Variants in STARD13 observed in about 807,000 individuals in gnomAD.
STARD13 encodes the protein StAR related lipid transfer domain containing 13.
A neutral mutation model predicts 106.4 loss-of-function variants in STARD13; 62 were observed. That is an observed-to-expected ratio of 0.58 (90% CI 0.48 to 0.72). The LOEUF is 0.72. Ranked by LOEUF, STARD13 falls within the 30% of genes least tolerant of loss-of-function variation. The pLI, the probability that STARD13 is intolerant of heterozygous loss-of-function variation, is 0.00. For missense variants in STARD13, 1,387 were observed against 1,424.0 expected (o/e 0.97, Z 0.42); for synonymous variants, 565 against 553.0 (o/e 1.02, Z -0.31).
At chr13:33,482,018 G>T in the STARD13 span, among the ~76,000 whole-genome samples, 4 of 151,054 alleles carry the variant, frequency 2.6e-5, no homozygotes, top group Non-Finnish European at 5.9e-5. Context: ...AAAAGAAATA[G>T]AAGCACTGAC....
chr13:33,543,918 G>T, the STARD13 span, among the ~76,000 whole-genome samples: 1 of 152,236 alleles, frequency 6.6e-6, no homozygotes, highest in East Asian at 1.9e-4. Context: ...GCCTGCACAA[G>T]TTAGTAGTCC....
intron 6 of STARD13, among the ~76,000 whole-genome samples, 165 bp from the exon 7 acceptor site, chr13:33,126,405 G>C (rs953476900): frequency 2.6e-5 from 4 of 152,194 alleles, no homozygotes. Flanking sequence ...GCTGTGCTCT[G>C]TGTGGCCCTT....
chr13:33,260,827 G>C (rs7317091), intron 1 of STARD13, among the ~76,000 whole-genome samples: 1 of 151,168 alleles, frequency 6.6e-6, no homozygotes, highest in African/African-American at 2.4e-5. Flanking sequence ...CCTTGAAAAC[G>C]TAAGTGTTTC....
chr13:33,406,876 C>T, the STARD13 span, among the ~76,000 whole-genome samples: 1 of 152,092 alleles, frequency 6.6e-6, no homozygotes, highest in African/African-American at 2.4e-5. Flanking sequence ...TGCTCTGGGC[C>T]TGTCCACAAA....
the STARD13 span, chr13:33,511,394 G>A: frequency 6.6e-6 from 1 of 152,006 alleles, no homozygotes; most frequent in Non-Finnish European, 1.5e-5. Flanking sequence ...TACAGGAATT[G>A]TTGATTTAAA....
At chr13:33,258,606 A>G (rs1399680774) in intron 1 of STARD13, among the ~76,000 whole-genome samples, 1 of 152,236 alleles carries the variant, frequency 6.6e-6, no homozygotes, top group African/African-American at 2.4e-5. Flanking sequence ...TATTTCCGAG[A>G]ACCATTCTTG....
the STARD13 span, among the ~76,000 whole-genome samples, chr13:33,510,366 A>C: frequency 2.0e-5 from 3 of 152,220 alleles, no homozygotes; most frequent in Non-Finnish European, 4.4e-5. Flanking sequence ...AAGAAGGCTC[A>C]TATGGATACT....
the STARD13 span, among the ~76,000 whole-genome samples, chr13:33,591,806 G>C: frequency 1.3e-5 from 2 of 150,122 alleles, no homozygotes; most frequent in East Asian, 3.9e-4. Flanking sequence ...AAATATGGAA[G>C]GAAAAAAAAG....
chr13:33,443,776 T>G, the STARD13 span, among the ~76,000 whole-genome samples: 27 of 148,996 alleles, frequency 1.8e-4, no homozygotes, highest in African/African-American at 6.2e-4. Context: ...CCCAGCTACT[T>G]GGGAGGCTGA....
At chr13:33,382,082 C>T in the STARD13 span, among the ~76,000 whole-genome samples, 4 of 152,190 alleles carry the variant, frequency 2.6e-5, no homozygotes, top group East Asian at 1.9e-4. Context: ...GACCAGGCTA[C>T]GCTGCCATCA....
At chr13:33,605,077 A>G in the STARD13 span, among the ~76,000 whole-genome samples, 4 of 151,820 alleles carry the variant, frequency 2.6e-5, no homozygotes, top group South Asian at 8.3e-4. Context: ...TATCTCTACC[A>G]AACATTAAAA....
At chr13:33,176,809 T>C (rs1464573146) in intron 1 of STARD13, among the ~76,000 whole-genome samples, 1 of 152,174 alleles carries the variant, frequency 6.6e-6, no homozygotes, top group Non-Finnish European at 1.5e-5. Context: ...AATTGAGGCA[T>C]CCCATAAACA....
chr13:33,321,335 G>A (rs11838401), intron 1 of STARD13, among the ~76,000 whole-genome samples: 22,488 of 151,962 alleles, frequency 0.15, 2,050 homozygotes, highest in African/African-American at 0.25. Flanking sequence ...GTGAAACCCC[G>A]TCTCTACTAA....
chr13:33,169,988 G>T lies in STARD13; in HGVS notation c.170-2366C>A, dbSNP rs867944193. 2.9e-4 allele frequency among the ~76,000 whole-genome samples: 44 copies of T among 152,164 alleles called. 1 individual carries two copies. The highest frequency in any genetic ancestry group is 1.1e-3 in the African/African-American group (44 of 41,440). The stretch of plus-strand genomic sequence containing the variant: ...CATGGACATAGAGATTAGAAGGATG[G>T]TTACCAGAGGCTGAGGAGGGTAGTG... On this transcript the variant is annotated intron_variant, in intron 1 of 13. Coordinates refer to ENST00000336934, the MANE Select transcript of STARD13 (RefSeq NM_178006.4).
the STARD13 span, among the ~76,000 whole-genome samples, chr13:33,471,729 T>G: frequency 6.6e-6 from 1 of 152,086 alleles, no homozygotes; most frequent in South Asian, 2.1e-4. Flanking sequence ...TTTTATTTTT[T>G]AAAGCAAAAC....
chr13:33,267,178 G>C (rs4941747), intron 1 of STARD13, among the ~76,000 whole-genome samples: 47,293 of 151,968 alleles, frequency 0.31, 7,560 homozygotes, highest in Admixed American at 0.35. Flanking sequence ...TTTCACAAAA[G>C]GGAGAGGGTT....
the STARD13 span, among the ~76,000 whole-genome samples, chr13:33,431,756 T>C: frequency 6.6e-5 from 10 of 152,208 alleles, no homozygotes; most frequent in Admixed American, 6.5e-4. Context: ...TACAGGGTGG[T>C]CATAAATATA....
At chr13:33,224,307 T>G (rs1340814825) in intron 1 of STARD13, among the ~76,000 whole-genome samples, 1 of 152,232 alleles carries the variant, frequency 6.6e-6, no homozygotes, top group Non-Finnish European at 1.5e-5. Context: ...TTCCTAGTCT[T>G]AGATTTGGGG....
the STARD13 span, among the ~76,000 whole-genome samples, chr13:33,442,349 TTAA>T: frequency 2.0e-5 from 3 of 152,146 alleles, no homozygotes; most frequent in South Asian, 6.2e-4. Context: ...TACTCATACA[TTAA>T]TAATAATAAT....
Sources: gnomAD v4.1 joint callset for allele counts (sites outside exome capture counted in the v4.1 genomes callset) on GRCh38, gnomAD v4.1.1 for gene constraint, MANE v1.5 for transcripts, NCBI Gene and HGNC (gene_info 2026-07-23, HGNC 2026-07-21) for gene names.